Variants in SOX6 observed in about 807,000 individuals in gnomAD.
The protein encoded by SOX6 is transcription factor SOX-6.
Under a neutral mutation model 97.8 loss-of-function variants are expected in SOX6, and 11 were observed. The observed-to-expected ratio is 0.11, with a 90% CI of 0.07 to 0.19. The LOEUF (loss-of-function observed/expected upper bound fraction) is 0.19. SOX6 is among the 10% of genes least tolerant of loss of function. The pLI, the probability that SOX6 is intolerant of heterozygous loss-of-function variation, is 1.00. For missense variants in SOX6, 810 were observed against 1,039.5 expected (o/e 0.78, Z 3.04); for synonymous variants, 360 against 371.4 (o/e 0.97, Z 0.35).
intron 6 of SOX6, among the ~76,000 whole-genome samples, chr11:16,135,941 A>G (rs1212454306): frequency 2.0e-5 from 3 of 152,170 alleles, no homozygotes; most frequent in African/African-American, 7.2e-5. Context: ...CCAATCTTTA[A>G]CAACCACCAC....
chr11:16,392,681 T>C (rs966085500), intron 1 of SOX6, among the ~76,000 whole-genome samples: 1 of 152,096 alleles, frequency 6.6e-6, no homozygotes, highest in Non-Finnish European at 1.5e-5. Flanking sequence ...CCAATTCTTA[T>C]GAGGTTTGGG....
In SOX6 at chr11:16,734,838, G is replaced by A. The variant is rs78962044; in HGVS notation, n.353+1501C>T. Reference sequence around the variant, plus strand: ...GCTGAGAGTCTAGAACAGTCAACAAGACTAGTATCTTTGTTCAATACCTTT... The same window carrying A: ...GCTGAGAGTCTAGAACAGTCAACAAAACTAGTATCTTTGTTCAATACCTTT... On this transcript the variant is annotated intron_variant and non_coding_transcript_variant, in intron 2 of 5. Transcript: ENST00000524520. 3.6e-3 allele frequency among the ~76,000 whole-genome samples: 545 copies of A among 152,274 alleles called. 4 individuals are homozygous for A. The highest frequency in any genetic ancestry group is 0.012 in the African/African-American group (516 of 41,558).
rs1459231209 is a variant in SOX6 at position 16,706,472 on chromosome 11, ATATATATATAT to A, written n.429+8347_429+8357del. Among the ~76,000 whole-genome samples the A allele has an allele frequency of 1.0e-3, 17 of 16,510 alleles. 2 individuals are homozygous for A. Among genetic ancestry groups the A allele is most frequent in the Admixed American group, 3.8e-3 (4 of 1,064 alleles). 10.8% of individuals were successfully genotyped at this position (16,510 alleles called of 152,430 possible). On this transcript the variant is annotated intron_variant and non_coding_transcript_variant, in intron 3 of 5. Coordinates refer to the SOX6 transcript ENST00000524520. ...CACAAAAAAAAAAAAAAAAAAAAAA[ATATATATATAT>A]ATATATATATATATATATATATATA...
At chr11:16,575,632 G>A (rs1380018431) in intron 4 of SOX6, among the ~76,000 whole-genome samples, 1 of 152,128 alleles carries the variant, frequency 6.6e-6, no homozygotes, top group Non-Finnish European at 1.5e-5. Context: ...GATTCTGCAT[G>A]ATTCCATTTA....
At chr11:16,515,262 C>A (rs1432266509) in intron 4 of SOX6, among the ~76,000 whole-genome samples, 1 of 152,104 alleles carries the variant, frequency 6.6e-6, no homozygotes, top group Admixed American at 6.5e-5. Context: ...GATGGTATCT[C>A]ATTGTGGTTT....
intron 3 of SOX6, among the ~76,000 whole-genome samples, chr11:16,683,196 G>A (rs1168802105): frequency 1.3e-5 from 2 of 152,150 alleles, no homozygotes; most frequent in Non-Finnish European, 2.9e-5. Context: ...TCCCCATCAA[G>A]CTACCAATGA....
intron 4 of SOX6, among the ~76,000 whole-genome samples, chr11:16,221,390 C>A (rs570668413): frequency 2.0e-5 from 3 of 151,978 alleles, no homozygotes; most frequent in African/African-American, 7.2e-5. Flanking sequence ...TAAATGGTGA[C>A]TTTTAAGTAC....
At chr11:16,637,950 A>G (rs1355526774) in intron 3 of SOX6, among the ~76,000 whole-genome samples, 1 of 150,142 alleles carries the variant, frequency 6.7e-6, no homozygotes, top group Non-Finnish European at 1.5e-5. Flanking sequence ...TCTAGGGTAC[A>G]TGTGCACAAT....
chr11:16,728,765 C>T (rs1848327055), intron 2 of SOX6, among the ~76,000 whole-genome samples: 2 of 152,044 alleles, frequency 1.3e-5, no homozygotes, highest in South Asian at 2.1e-4. Flanking sequence ...TTCAGAAGGT[C>T]GGTAATAATA....
intron 1 of SOX6, among the ~76,000 whole-genome samples, chr11:16,398,460 G>C (rs973817030): frequency 6.6e-6 from 1 of 151,376 alleles, no homozygotes; most frequent in Admixed American, 6.6e-5. Flanking sequence ...AGAGTAGTAA[G>C]GGTCTACTAG....
At chr11:16,011,325 T>C (rs1854719402) in intron 13 of SOX6, among the ~76,000 whole-genome samples, 1 of 152,104 alleles carries the variant, frequency 6.6e-6, no homozygotes, top group African/African-American at 2.4e-5. Flanking sequence ...CTTCAAAGTA[T>C]AACAAAACCT....
chr11:16,382,492 A>G (rs1857853961), intron 1 of SOX6: 1 of 152,048 alleles, frequency 6.6e-6, no homozygotes, highest in Non-Finnish European at 1.5e-5. Flanking sequence ...ACTTTCAATA[A>G]TAAAATAGCA....
chr11:16,606,256 C>CT (rs1183388425), intron 4 of SOX6, among the ~76,000 whole-genome samples: 4 of 139,728 alleles, frequency 2.9e-5, no homozygotes, highest in Non-Finnish European at 4.7e-5. Flanking sequence ...TTATATCTTT[C>CT]TTTTTTTAGT....
At chr11:16,732,596 T>C (rs964763057) in intron 2 of SOX6, among the ~76,000 whole-genome samples, 2 of 152,162 alleles carry the variant, frequency 1.3e-5, no homozygotes, top group African/African-American at 2.4e-5. Flanking sequence ...TCAAGGTGGA[T>C]TAAAGACTTA....
intron 13 of SOX6, among the ~76,000 whole-genome samples, chr11:16,003,724 T>A (rs1465247115): frequency 6.6e-6 from 1 of 152,108 alleles, no homozygotes; most frequent in Non-Finnish European, 1.5e-5. Flanking sequence ...AATCAGATCT[T>A]GTAGAAATTT....
rs11824456 is a variant in SOX6 at position 16,437,947 on chromosome 11, G to A, written c.-5+38368C>T. Among the ~76,000 whole-genome samples the A allele has an allele frequency of 6.9e-3, 1,052 of 152,196 alleles. 4 individuals are homozygous for A. Among genetic ancestry groups the A allele is most frequent in the African/African-American group, 0.023 (948 of 41,532 alleles). Reference sequence around the variant, plus strand: ...AAAATATAAGCATGTGTGAGTGTAGGGAAGATCTTTTTCTTAACTATAGCC... The same window carrying A: ...AAAATATAAGCATGTGTGAGTGTAGAGAAGATCTTTTTCTTAACTATAGCC... On this transcript the variant is annotated intron_variant, in intron 1 of 15. Transcript: ENST00000396356.
At position 16,402,966 on chromosome 11, in the gene SOX6, CA is replaced by C. The variant is rs1406577217; in HGVS notation, c.-4-61715del. 10 of 789,714 alleles carry C rather than the reference CA, an allele frequency of 1.3e-5. No homozygotes were observed. The East Asian group carries it at 3.3e-4, about 26-fold the overall frequency. The allele number at this position is 789,714 out of a possible 1,614,324, so 48.9% of individuals were successfully genotyped here. ...TTTACACCAAGGTGGGGGAGAAACA[CA>C]AGTCCATTGTTCCCTCACAGATGGA... On this transcript the variant is annotated intron_variant, in intron 1 of 15. Coordinates refer to the SOX6 transcript ENST00000396356.
intron 1 of SOX6, among the ~76,000 whole-genome samples, chr11:16,428,711 C>T (rs1416034543): frequency 2.6e-5 from 4 of 152,126 alleles, no homozygotes; most frequent in African/African-American, 4.8e-5. Context: ...CAGTACCATG[C>T]TGTTTTGGTT....
intron 1 of SOX6, among the ~76,000 whole-genome samples, chr11:16,382,104 T>C (rs149609184): frequency 1.3e-5 from 2 of 152,182 alleles, no homozygotes; most frequent in African/African-American, 4.8e-5. Flanking sequence ...TTTTTGCTTA[T>C]CAAAATGTTA....
Sources: allele counts gnomAD v4.1 joint callset (sites outside exome capture counted in the v4.1 genomes callset), GRCh38; gene constraint gnomAD v4.1.1; transcripts MANE v1.5; gene names NCBI Gene and HGNC (gene_info 2026-07-23, HGNC 2026-07-21).